SMC2: variants seen among roughly 807,000 people sequenced by gnomAD.
SMC2 encodes structural maintenance of chromosomes protein 2.
A neutral mutation model predicts 142.6 loss-of-function variants in SMC2; 41 were observed. The observed-to-expected ratio is 0.29, with a 90% CI of 0.22 to 0.37. SMC2 has a LOEUF of 0.37. SMC2 is among the 10% of genes least tolerant of loss of function. The pLI is 1.00. For synonymous variants in SMC2, 463 were observed against 457.5 expected (o/e 1.01, Z -0.15); for missense variants, 1,265 against 1,373.7 (o/e 0.92, Z 1.25).
rs768627525 is a variant in SMC2, at chr9:104,138,077, A to G, written c.3329A>G (p.Tyr1110Cys). Residue 1110 changes from tyrosine (Y) to cysteine (C), a missense_variant, in exon 24 of 25, where the codon TAT becomes TGT. Transcript: ENST00000374793. ...CTTCTCTTCAAACCTGCTCCAATTTATATCCTTGATGAGGTAGATGCAGCC... is the reference window on the plus strand; with the variant it reads ...CTTCTCTTCAAACCTGCTCCAATTTGTATCCTTGATGAGGTAGATGCAGCC... ...SMLLFKPAPI[Y>C]ILDEVDAALD... 6.2e-6 allele frequency: 10 copies of G among 1,610,368 alleles called. No homozygotes were observed. Among genetic ancestry groups the G allele is most frequent in the Non-Finnish European group, 8.5e-6 (10 of 1,177,562 alleles).
In SMC2 at chr9:104,134,405, T is replaced by C; in HGVS notation, c.3109-10T>C. On this transcript the variant is annotated splice_polypyrimidine_tract_variant and intron_variant, in intron 22 of 24. Transcript: ENST00000374793. ...CCTGATGTTTTAACTTTTTTATTTT[T>C]TAAATCCAGGTGAACAAGGACTTTG... The C allele has an allele frequency of 6.4e-7, 1 of 1,561,502 alleles. No individual in the cohort carries two copies. Among genetic ancestry groups the C allele is most frequent in the South Asian group, 1.2e-5 (1 of 83,200 alleles).
intron 9 of SMC2, among the ~76,000 whole-genome samples, chr9:104,105,381 G>A (rs78684395): frequency 0.057 from 8,604 of 151,988 alleles, 654 homozygotes; most frequent in African/African-American, 0.18. Context: ...TCACTCCTAC[G>A]CTGCCCATGG....
intron 10 of SMC2, 114 bp downstream of exon 10, chr9:104,111,928 G>A: frequency 1.3e-6 from 1 of 754,612 alleles, no homozygotes; most frequent in Non-Finnish European, 2.1e-6. Flanking sequence ...CAAGGAACTT[G>A]TTTGTTTACT....
chr9:104,139,620 C>A lies in SMC2; in HGVS notation c.*305C>A. On this transcript the variant is annotated 3_prime_UTR_variant, in exon 25 of 25. Coordinates refer to ENST00000374793, the MANE Select transcript of SMC2 (RefSeq NM_006444.3). ...GATTCTATATGTAAAAGCTAATATA[C>A]AAAAAAGCAGATTAAATTACATGAT... The A allele has an allele frequency of 5.1e-6, 1 of 195,398 alleles. No individual in the cohort carries two copies. The allele number at this position is 195,398 out of a possible 1,614,324, so 12.1% of individuals were successfully genotyped here.
At chr9:104,093,338 A>C (rs540318493), upstream of SMC2, among the ~76,000 whole-genome samples, 603 of 152,268 alleles carry the variant, frequency 4.0e-3, 2 homozygotes, top group Non-Finnish European at 6.6e-3. Context: ...TCGGCTAATA[A>C]TACTAGATTC....
chr9:104,090,653 G>A (rs995166015), upstream of SMC2, among the ~76,000 whole-genome samples: 5 of 152,198 alleles, frequency 3.3e-5, no homozygotes, highest in African/African-American at 1.2e-4. Context: ...TAAGAGCTAC[G>A]GTATGCTGGC....
In SMC2 at chr9:104,134,459, T is replaced by C. The variant is rs1022927067; in HGVS notation, c.3153T>C (p.Gly1051=). The change falls in exon 23 of 25, where the codon GGT becomes GGC. Residue 1051 remains glycine, a synonymous_variant. Transcript: ENST00000374793. ...CTATTTTTTCTACTCTTTTGCCTGG[T>C]GCTAATGCTATGCTTGCACCACCAG... ...FGSIFSTLLP[G]ANAMLAPPEG... 8 of 1,612,260 alleles carry C rather than the reference T, an allele frequency of 5.0e-6. No individual in the cohort carries two copies. The highest frequency in any genetic ancestry group is 6.8e-6 in the Non-Finnish European group (8 of 1,179,096).
intron 17 of SMC2, among the ~76,000 whole-genome samples, chr9:104,123,589 T>G (rs1833957799): frequency 6.6e-6 from 1 of 152,216 alleles, no homozygotes; most frequent in Non-Finnish European, 1.5e-5. Flanking sequence ...TGGGATCTTT[T>G]TTTGTATGTT....
rs1404884390 is a variant in SMC2 at position 104,126,751 on chromosome 9, T to A, written c.2562T>A (p.Ile854=). Reference sequence around the variant, plus strand: ...CTATCAAATCCTATGAAAGTCAGATTGAAGTAATGGCAGCTGAGGTGGCTA... The same window carrying A: ...CTATCAAATCCTATGAAAGTCAGATAGAAGTAATGGCAGCTGAGGTGGCTA... ...NEAIKSYESQ[I]EVMAAEVAKN... is the part of the protein sequence containing the mutation. Residue 854 remains isoleucine, a synonymous_variant, in exon 19 of 25, where the codon ATT becomes ATA. Transcript: ENST00000374793. 1.9e-6 allele frequency: 3 copies of A among 1,609,810 alleles called. No homozygotes were observed. The highest frequency in any genetic ancestry group is 2.5e-6 in the Non-Finnish European group (3 of 1,179,046).
chr9:104,098,312 C>A, intron 3 of SMC2, 134 bp from the exon 4 acceptor site: 1 of 637,942 alleles, frequency 1.6e-6, no homozygotes, highest in Non-Finnish European at 2.5e-6. Flanking sequence ...CATACTTGTT[C>A]CACTATTTAT....
intron 19 of SMC2, 116 bp from the exon 20 acceptor site, chr9:104,127,170 C>G: frequency 1.4e-6 from 1 of 722,336 alleles, no homozygotes; most frequent in South Asian, 2.4e-5. Context: ...GTGATCATCT[C>G]TCTGCCTGTA....
intron 16 of SMC2, among the ~76,000 whole-genome samples, chr9:104,121,506 A>G (rs984983555): frequency 9.9e-5 from 15 of 152,084 alleles, no homozygotes; most frequent in African/African-American, 3.4e-4. Flanking sequence ...AAAAAAAAAG[A>G]ATTTTTTTTT....
chr9:104,097,290 T>A (rs1830551461), intron 3 of SMC2, among the ~76,000 whole-genome samples: 1 of 151,562 alleles, frequency 6.6e-6, no homozygotes, highest in African/African-American at 2.4e-5. Flanking sequence ...GTATTTTTAG[T>A]AGAGACGGGA....
intron 9 of SMC2, among the ~76,000 whole-genome samples, chr9:104,105,467 G>A (rs1291979555): frequency 6.6e-6 from 1 of 152,072 alleles, no homozygotes; most frequent in Non-Finnish European, 1.5e-5. Context: ...TCATGGGTAG[G>A]GAGGCATTGG....
chr9:104,112,492 G>A (rs1832580319), intron 10 of SMC2, among the ~76,000 whole-genome samples: 1 of 152,092 alleles, frequency 6.6e-6, no homozygotes, highest in African/African-American at 2.4e-5. Context: ...TTTAAAACAT[G>A]TACACAAATG....
chr9:104,118,631 G>GAGTT (rs1833392121), intron 15 of SMC2, among the ~76,000 whole-genome samples: 2 of 152,068 alleles, frequency 1.3e-5, no homozygotes, highest in African/African-American at 4.8e-5. Context: ...TTGCCACACT[G>GAGTT]AGTTTGCAGA....
intron 9 of SMC2, among the ~76,000 whole-genome samples, chr9:104,110,951 GA>G (rs930497329): frequency 2.0e-5 from 3 of 152,148 alleles, no homozygotes; most frequent in Middle Eastern, 3.2e-3. Context: ...TAATGTCTTA[GA>G]ATAGGGCCTA....
At chr9:104,114,882 A>G (rs538614085) in intron 13 of SMC2, 53 bp downstream of exon 13, 3 of 1,445,382 alleles carry the variant, frequency 2.1e-6, no homozygotes, top group Non-Finnish European at 2.8e-6. Context: ...TTGAAAAGTC[A>G]TGTGCTGCTA....
chr9:104,117,110 A>G (rs943149693), intron 14 of SMC2, among the ~76,000 whole-genome samples: 2 of 152,228 alleles, frequency 1.3e-5, no homozygotes, highest in African/African-American at 2.4e-5. Context: ...TATGTATACT[A>G]TCAGGAGAGG....
Sources: gnomAD v4.1 joint callset for allele counts (sites outside exome capture counted in the v4.1 genomes callset) on GRCh38, gnomAD v4.1.1 for gene constraint, MANE v1.5 for transcripts, NCBI Gene and HGNC (gene_info 2026-07-23, HGNC 2026-07-21) for gene names.